CYP2C18: variants seen among roughly 807,000 people sequenced by gnomAD.
The protein encoded by CYP2C18 is cytochrome P450 family 2 subfamily C member 18.
CYP2C18 carries 38 observed loss-of-function variants against 41.3 expected under a neutral mutation model. That is an observed-to-expected ratio of 0.92 (90% confidence interval 0.71 to 1.21). The LOEUF (loss-of-function observed/expected upper bound fraction) is 1.21. Ranked by LOEUF, CYP2C18 falls within the 50% of genes most tolerant of loss-of-function variation. The pLI is 0.00. For missense variants in CYP2C18, 635 were observed against 591.4 expected, an observed-to-expected ratio of 1.07 and a Z score of -0.77; for synonymous variants, 236 against 210.0, an observed-to-expected ratio of 1.12 and a Z score of -1.07.
chr10:94,694,731 A>G (rs1847080354), intron 3 of CYP2C18, among the ~76,000 whole-genome samples, 186 bp from the exon 4 acceptor site: 1 of 152,190 alleles, frequency 6.6e-6, no homozygotes, highest in Non-Finnish European at 1.5e-5. Context: ...GCTAGGGTGG[A>G]ATGATTAATT....
At chr10:94,724,719 A>G (rs1186274940) in intron 7 of CYP2C18, among the ~76,000 whole-genome samples, 186 bp downstream of exon 7, 4 of 151,954 alleles carry the variant, frequency 2.6e-5, no homozygotes, top group African/African-American at 4.8e-5. Flanking sequence ...CTCAGTATCT[A>G]GCAGTGTATG....
In CYP2C18 at chr10:94,716,651, A is replaced by T. The variant is rs568749714; in HGVS notation, c.820-3745A>T. 9.2e-5 allele frequency among the ~76,000 whole-genome samples: 14 copies of T among 152,128 alleles called. 1 individual carries two copies. In the South Asian group the frequency reaches 2.5e-3, roughly 27 times the overall value. On this transcript the variant is annotated intron_variant, in intron 5 of 8. Coordinates refer to ENST00000285979, the MANE Select transcript of CYP2C18 (RefSeq NM_000772.3). ...GCGATATGGTGCTGAGAAGAATGTA[A>T]ATTCTGTTGATTTGGGGTGGAGAGT...
rs1847910769 is a variant in CYP2C18, at chr10:94,735,807, T to A, written c.*363T>A. On this transcript the variant is annotated 3_prime_UTR_variant, in exon 9 of 9. Coordinates refer to ENST00000285979, the MANE Select transcript of CYP2C18 (RefSeq NM_000772.3). The stretch of plus-strand genomic sequence containing the variant: ...TGCTCTAGATAAAAATGATTATTAT[T>A]TACTGGGTCAGTTCTTAGATTTCTT... 1 of 184,416 alleles carries A rather than the reference T, an allele frequency of 5.4e-6. No homozygotes were observed. 11.4% of individuals were successfully genotyped at this position (184,416 alleles called of 1,614,324 possible).
At chr10:94,720,130 A>G (rs1431175222) in intron 5 of CYP2C18, among the ~76,000 whole-genome samples, 1 of 152,158 alleles carries the variant, frequency 6.6e-6, no homozygotes, top group Non-Finnish European at 1.5e-5. Context: ...CTTATATGTC[A>G]TAGACAAGAA....
At position 94,684,102 on chromosome 10, in the gene CYP2C18, C is replaced by CA. The variant is rs1281880761; in HGVS notation, c.168+117dup. On this transcript the variant is annotated intron_variant, in intron 1 of 8. Coordinates refer to ENST00000285979, the MANE Select transcript of CYP2C18 (RefSeq NM_000772.3). ...GATAATTGTATATATTAATGGGGTA[C>CA]AATATTACATTTTGATACATGTATA... 1.3e-5 allele frequency: 9 copies of CA among 690,334 alleles called. No homozygotes were observed. The Admixed American group carries it at 3.2e-4, about 24-fold the overall frequency. 42.8% of individuals were successfully genotyped at this position (690,334 alleles called of 1,614,324 possible). A position where few individuals can be genotyped will look rare whatever the true frequency, so the allele number is the denominator to read the frequency against.
intron 1 of CYP2C18, among the ~76,000 whole-genome samples, chr10:94,685,894 C>A (rs1238197748): frequency 3.9e-5 from 6 of 152,016 alleles, no homozygotes; most frequent in Non-Finnish European, 8.8e-5. Context: ...TGGTTCCATA[C>A]AAATTTTAAG....
At chr10:94,695,175 G>A in intron 4 of CYP2C18, 98 bp downstream of exon 4, 1 of 1,140,196 alleles carries the variant, frequency 8.8e-7, no homozygotes, top group Non-Finnish European at 1.2e-6. Context: ...TAAGTTCTGG[G>A]ATATGTGTGC....
At chr10:94,692,566 G>A (rs1325069230) in intron 3 of CYP2C18, among the ~76,000 whole-genome samples, 1 of 152,202 alleles carries the variant, frequency 6.6e-6, no homozygotes, top group Admixed American at 6.5e-5. Flanking sequence ...CTTTTACACT[G>A]TTGGTGGGAC....
intron 4 of CYP2C18, among the ~76,000 whole-genome samples, chr10:94,699,871 T>A (rs1847200387): frequency 6.6e-6 from 1 of 152,110 alleles, no homozygotes; most frequent in African/African-American, 2.4e-5. Context: ...TGAACTCCCA[T>A]TCAAAATTGC....
At chr10:94,684,222 T>C (rs1427433796) in intron 1 of CYP2C18, among the ~76,000 whole-genome samples, 1 of 152,166 alleles carries the variant, frequency 6.6e-6, no homozygotes, top group East Asian at 1.9e-4. Context: ...TCCTCTTTTT[T>C]AGCTGTTTTG....
intron 8 of CYP2C18, among the ~76,000 whole-genome samples, chr10:94,734,789 T>C (rs1300247040): frequency 1.3e-5 from 2 of 152,130 alleles, no homozygotes; most frequent in African/African-American, 2.4e-5. Context: ...CAGATGGGTG[T>C]TGTTTAAAGT....
chr10:94,697,083 C>G (rs928801499), intron 4 of CYP2C18, among the ~76,000 whole-genome samples: 4 of 152,272 alleles, frequency 2.6e-5, no homozygotes, highest in African/African-American at 9.6e-5. Context: ...AGAACTTCCC[C>G]AATCTAGCAA....
rs890166390 is a variant in CYP2C18, at chr10:94,733,760, C to T, written c.1291+322C>T. 1.8e-5 allele frequency: 4 copies of T among 221,042 alleles called. No individual in the cohort carries two copies. The Admixed American group carries it at 2.0e-4, about 11-fold the overall frequency. The allele number at this position is 221,042 out of a possible 1,614,324, so 13.7% of individuals were successfully genotyped here. On this transcript the variant is annotated intron_variant, in intron 8 of 8. Coordinates refer to ENST00000285979, the MANE Select transcript of CYP2C18 (RefSeq NM_000772.3). ...AACTTATTTAGACATTTCTCATCTGCCATGAGAAAAGTATCTAATTCCACA... is the reference window on the plus strand; with the variant it reads ...AACTTATTTAGACATTTCTCATCTGTCATGAGAAAAGTATCTAATTCCACA...
chr10:94,706,892 C>A lies in CYP2C18; in HGVS notation c.751C>A (p.His251Asn), dbSNP rs138778808. The A allele has an allele frequency of 6.2e-7, 1 of 1,612,542 alleles. No individual in the cohort carries two copies. Among genetic ancestry groups the A allele is most frequent in the Non-Finnish European group, 8.5e-7 (1 of 1,179,194 alleles). Residue 251 changes from histidine to asparagine, a missense_variant, in exon 5 of 9, where the codon CAT (histidine) becomes AAT (asparagine). Transcript: ENST00000285979. The stretch of plus-strand genomic sequence containing the variant: ...TTATGTATTGGAGAGAATAAAAGAA[C>A]ATCAAGAATCCCTGGACATGAACAG... ...KSYVLERIKE[H>N]QESLDMNSAR...
chr10:94,698,596 C>G (rs1847169498), intron 4 of CYP2C18, among the ~76,000 whole-genome samples: 1 of 152,132 alleles, frequency 6.6e-6, no homozygotes, highest in African/African-American at 2.4e-5. Context: ...CAAACACATT[C>G]AAAAGCTAGC....
chr10:94,720,292 T>G, intron 5 of CYP2C18, 104 bp from the exon 6 acceptor site: 2 of 1,031,126 alleles, frequency 1.9e-6, no homozygotes, highest in Non-Finnish European at 1.4e-6. Context: ...CTGTACAGTT[T>G]CCAAACTTCC....
intron 3 of CYP2C18, among the ~76,000 whole-genome samples, chr10:94,693,834 T>C (rs1199598883): frequency 1.3e-5 from 2 of 152,212 alleles, no homozygotes; most frequent in Admixed American, 6.5e-5. Flanking sequence ...AGTTCATTGA[T>C]GATTTGATTA....
At chr10:94,719,505 G>A (rs1847612517) in intron 5 of CYP2C18, among the ~76,000 whole-genome samples, 1 of 151,788 alleles carries the variant, frequency 6.6e-6, no homozygotes, top group Admixed American at 6.6e-5. Context: ...CTGGGCTCAT[G>A]TGTTTCTCTG....
In CYP2C18 at chr10:94,715,993, G is replaced by A. The variant is rs189468149; in HGVS notation, c.820-4403G>A. Among the ~76,000 whole-genome samples the A allele has an allele frequency of 2.3e-4, 35 of 152,264 alleles. 1 individual carries two copies. The East Asian group carries it at 4.8e-3, about 21-fold the overall frequency. ...CGTAGAGGTGTTTATAGTATGCTCT[G>A]ATGGTAGTTTGCATTTCTGTGGGAT... On this transcript the variant is annotated intron_variant, in intron 5 of 8. Coordinates refer to ENST00000285979, the MANE Select transcript of CYP2C18 (RefSeq NM_000772.3).
Sources: allele counts gnomAD v4.1 joint callset (sites outside exome capture counted in the v4.1 genomes callset), GRCh38; gene constraint gnomAD v4.1.1; transcripts MANE v1.5; gene names NCBI Gene and HGNC (gene_info 2026-07-23, HGNC 2026-07-21).